FAM167A: variants seen among roughly 807,000 people sequenced by gnomAD.
The protein encoded by FAM167A is protein FAM167A.
Under a neutral mutation model 14.9 loss-of-function variants are expected in FAM167A, and 23 were observed. That is an observed-to-expected ratio of 1.55 (90% CI 1.11 to 2.19). The LOEUF (loss-of-function observed/expected upper bound fraction) is 2.19, where lower values mean the gene tolerates loss of function less well. Ranked by LOEUF, FAM167A falls within the 30% of genes most tolerant of loss-of-function variation. The pLI, the probability that FAM167A is intolerant of heterozygous loss-of-function variation, is 0.00. For synonymous variants in FAM167A, 174 were observed against 117.7 expected, an observed-to-expected ratio of 1.48 and a Z score of -3.10; for missense variants, 401 against 281.5, an observed-to-expected ratio of 1.42 and a Z score of -3.04.
At chr8:11,430,009 G>A (rs1030479840) in intron 2 of FAM167A, among the ~76,000 whole-genome samples, 13 of 152,322 alleles carry the variant, frequency 8.5e-5, no homozygotes, top group African/African-American at 3.1e-4. Context: ...ATGGAACCCA[G>A]CAAGGACCTC....
chr8:11,448,989 TGTGGAG>T (rs1806910020), intron 1 of FAM167A, among the ~76,000 whole-genome samples: 1 of 152,192 alleles, frequency 6.6e-6, no homozygotes, highest in Non-Finnish European at 1.5e-5. Context: ...GTGTGTGCAA[TGTGGAG>T]AGGCCTGAGT....
chr8:11,434,674 G>A (rs1805872678), intron 2 of FAM167A, among the ~76,000 whole-genome samples: 1 of 152,174 alleles, frequency 6.6e-6, no homozygotes, highest in Non-Finnish European at 1.5e-5. Flanking sequence ...CCTTTGGGAA[G>A]GACAGAGTGA....
At chr8:11,461,352 G>A (rs1228375676) in intron 1 of FAM167A, among the ~76,000 whole-genome samples, 9 of 152,282 alleles carry the variant, frequency 5.9e-5, no homozygotes, top group Admixed American at 2.0e-4. Context: ...GGAAACGCTC[G>A]ACAAGGCAGG....
At chr8:11,475,288 C>T (rs1290274752) in intron 1 of FAM167A, among the ~76,000 whole-genome samples, 1 of 152,194 alleles carries the variant, frequency 6.6e-6, no homozygotes, top group Non-Finnish European at 1.5e-5. Flanking sequence ...CTCTCTGCAC[C>T]CTTGTGCATG....
intron 1 of FAM167A, among the ~76,000 whole-genome samples, chr8:11,461,310 G>GA (rs367748420): frequency 9.6e-4 from 146 of 152,250 alleles, no homozygotes; most frequent in Middle Eastern, 6.8e-3. Context: ...GTAGCCATGG[G>GA]AAAAAAAGAG....
chr8:11,437,313 A>G (rs1806091465), intron 2 of FAM167A, among the ~76,000 whole-genome samples: 1 of 152,150 alleles, frequency 6.6e-6, no homozygotes, highest in Non-Finnish European at 1.5e-5. Flanking sequence ...GTGGCTACTG[A>G]ATGATGTGAG....
intron 2 of FAM167A, chr8:11,438,737 G>GA: frequency 2.8e-6 from 1 of 353,066 alleles, no homozygotes; most frequent in Non-Finnish European, 5.5e-6. Context: ...AATAGAACAG[G>GA]AATCTTCCTC....
upstream of FAM167A, among the ~76,000 whole-genome samples, chr8:11,468,876 G>A (rs1374752698): frequency 2.6e-5 from 4 of 152,192 alleles, no homozygotes; most frequent in East Asian, 5.8e-4. Context: ...CTCCCATTCT[G>A]CCTGGCATTT....
chr8:11,469,317 A>G (rs115705843), upstream of FAM167A, among the ~76,000 whole-genome samples: 497 of 152,294 alleles, frequency 3.3e-3, 7 homozygotes, highest in African/African-American at 0.011. Context: ...TCGTTTTGTA[A>G]TGAGAAACAT....
intron 1 of FAM167A, chr8:11,445,205 C>G: frequency 5.1e-6 from 5 of 985,230 alleles, no homozygotes; most frequent in Middle Eastern, 5.2e-4. Context: ...TCTGAGGCCA[C>G]AGGTCTTTCC....
At chr8:11,471,032 G>A (rs1807945865), upstream of FAM167A, among the ~76,000 whole-genome samples, 2 of 152,218 alleles carry the variant, frequency 1.3e-5, no homozygotes, top group African/African-American at 4.8e-5. Flanking sequence ...GGCTAGACAT[G>A]GGAGTGTGGC....
At chr8:11,428,114 A>G (rs1269941201) in intron 2 of FAM167A, among the ~76,000 whole-genome samples, 3 of 133,572 alleles carry the variant, frequency 2.2e-5, no homozygotes, top group Non-Finnish European at 3.3e-5. Context: ...TAGGAACCCT[A>G]TGGTTTAAGA....
At chr8:11,431,966 C>G (rs533041342) in intron 2 of FAM167A, among the ~76,000 whole-genome samples, 1 of 148,546 alleles carries the variant, frequency 6.7e-6, no homozygotes, top group African/African-American at 2.5e-5. Flanking sequence ...CGGGGTGACT[C>G]AACTCTCAGT....
At chr8:11,425,373 G>T (rs559171478) in intron 2 of FAM167A, among the ~76,000 whole-genome samples, 1 of 152,308 alleles carries the variant, frequency 6.6e-6, no homozygotes, top group African/African-American at 2.4e-5. Context: ...GCCGAGCTGG[G>T]ATGAGGAAGC....
chr8:11,435,177 C>A (rs934225756), intron 2 of FAM167A: 1 of 455,390 alleles, frequency 2.2e-6, no homozygotes. Context: ...CCCCACAGGG[C>A]AGCCACACTG....
chr8:11,438,731 G>A (rs1036463675), intron 2 of FAM167A: 26 of 355,794 alleles, frequency 7.3e-5, no homozygotes, highest in African/African-American at 5.4e-4. Context: ...CAGATGAATA[G>A]AACAGGAATC....
chr8:11,456,452 G>A (rs1211845179), intron 1 of FAM167A, among the ~76,000 whole-genome samples: 1 of 123,522 alleles, frequency 8.1e-6, no homozygotes, highest in Non-Finnish European at 1.7e-5. Flanking sequence ...GTGGGTACTT[G>A]CCCTGCTGTA....
At position 11,424,341 on chromosome 8, in the gene FAM167A, G is replaced by T; in HGVS notation, c.*32C>A. 6.2e-7 allele frequency: 1 copy of T among 1,610,636 alleles called. No homozygotes were observed. The highest frequency in any genetic ancestry group is 8.5e-7 in the Non-Finnish European group (1 of 1,177,334). On this transcript the variant is annotated 3_prime_UTR_variant, in exon 3 of 3. Transcript: ENST00000284486. ...GACACCCCTCCAGCCCAAGCCCTCCGCTCCAGCCCCTCCGCCCAGTCTGAG... is the reference window on the plus strand; with the variant it reads ...GACACCCCTCCAGCCCAAGCCCTCCTCTCCAGCCCCTCCGCCCAGTCTGAG...
intron 1 of FAM167A, among the ~76,000 whole-genome samples, chr8:11,459,927 C>T (rs928273007): frequency 4.6e-5 from 7 of 152,230 alleles, no homozygotes; most frequent in Admixed American, 3.9e-4. Context: ...GGGGTTTCAC[C>T]ATATTGGCCA....
Sources: allele counts gnomAD v4.1 joint callset (sites outside exome capture counted in the v4.1 genomes callset), GRCh38; gene constraint gnomAD v4.1.1; transcripts MANE v1.5; gene names NCBI Gene and HGNC (gene_info 2026-07-23, HGNC 2026-07-21).